POU3F3: variants seen among roughly 807,000 people sequenced by gnomAD.
The protein encoded by POU3F3 is POU domain, class 3, transcription factor 3.
In POU3F3, 1 loss-of-function variant was observed where a neutral mutation model predicts 8.6. The ratio of observed to expected loss-of-function variants is 0.12; its 90% CI spans 0.04 to 0.55. The LOEUF (loss-of-function observed/expected upper bound fraction) is 0.55, where lower values mean the gene tolerates loss of function less well. Ranked by LOEUF, POU3F3 falls within the 20% of genes least tolerant of loss-of-function variation. The pLI is 0.91. For missense variants in POU3F3, 577 were observed against 690.7 expected (o/e 0.84, Z 1.84); for synonymous variants, 418 against 327.4 (o/e 1.28, Z -2.99).
At chr2:104,868,592 T>A in the POU3F3 span, among the ~76,000 whole-genome samples, 1 of 152,074 alleles carries the variant, frequency 6.6e-6, no homozygotes, top group African/African-American at 2.4e-5. Flanking sequence ...AGGCCAGACC[T>A]CCAGACACCT....
At chr2:104,926,359 C>T in the POU3F3 span, among the ~76,000 whole-genome samples, 1 of 152,158 alleles carries the variant, frequency 6.6e-6, no homozygotes, top group Non-Finnish European at 1.5e-5. Flanking sequence ...AAAAAAAGCT[C>T]ATCACCATTG....
chr2:104,866,641 C>T, the POU3F3 span: 2 of 152,190 alleles, frequency 1.3e-5, no homozygotes, highest in Admixed American at 6.5e-5. Context: ...AGTGCACTCA[C>T]TTGATTTTCT....
chr2:104,920,195 A>G, the POU3F3 span, among the ~76,000 whole-genome samples: 1 of 152,152 alleles, frequency 6.6e-6, no homozygotes, highest in Non-Finnish European at 1.5e-5. Context: ...TTGTATTTTT[A>G]GTAGAGATGG....
the POU3F3 span, among the ~76,000 whole-genome samples, chr2:104,915,513 G>A: frequency 3.3e-5 from 5 of 152,164 alleles, no homozygotes. Context: ...GACCCATTCT[G>A]AGAAGTTTAG....
the POU3F3 span, among the ~76,000 whole-genome samples, chr2:104,923,172 G>A: frequency 6.6e-6 from 1 of 152,166 alleles, no homozygotes; most frequent in Non-Finnish European, 1.5e-5. Flanking sequence ...GAAATGAAAG[G>A]ACACTAGAGA....
chr2:104,855,874 TG>T lies in POU3F3; in HGVS notation c.366del (p.Trp122CysfsTer28). 1 of 1,049,642 alleles carries T rather than the reference TG, an allele frequency of 9.5e-7. No homozygotes were observed. Among genetic ancestry groups the T allele is most frequent in the Non-Finnish European group, 1.1e-6 (1 of 882,838 alleles). The allele number at this position is 1,049,642 out of a possible 1,614,324, so 65.0% of individuals were successfully genotyped here. A position where few individuals can be genotyped will look rare whatever the true frequency, so the allele number is the denominator to read the frequency against. ...CGCCGCCGTGGAGGCGAGCTCGCCG[TG>T]GTCGGGCAGCGCCGTGGGCATGGCT... ...AAAAVEASSPWSGSAVGMAGS... is the reference protein window; with the variant it reads ...AAAAVEASSPXSGSAVGMAGS... On this transcript the variant is annotated frameshift_variant, in exon 1 of 1. Transcript: ENST00000361360. LOFTEE classifies it low-confidence loss of function (END_TRUNC).
At chr2:104,864,941 T>A in the POU3F3 span, among the ~76,000 whole-genome samples, 2 of 152,244 alleles carry the variant, frequency 1.3e-5, no homozygotes, top group Non-Finnish European at 2.9e-5. Context: ...CGTGTGTGTC[T>A]GTGTGCGCGC....
At chr2:104,865,403 T>C in the POU3F3 span, 2 of 152,300 alleles carry the variant, frequency 1.3e-5, no homozygotes, top group South Asian at 2.1e-4. Flanking sequence ...ACAAAAAGAA[T>C]GATCACTGCT....
downstream of POU3F3, among the ~76,000 whole-genome samples, chr2:104,862,366 G>T (rs1413394085): frequency 6.6e-6 from 1 of 152,250 alleles, no homozygotes; most frequent in Admixed American, 6.5e-5. Context: ...CCGTGTGCAT[G>T]TGGGTGCGCG....
At chr2:104,881,130 C>CTTTG in the POU3F3 span, among the ~76,000 whole-genome samples, 1 of 149,270 alleles carries the variant, frequency 6.7e-6, no homozygotes, top group Non-Finnish European at 1.5e-5. Flanking sequence ...TACTTTCTTT[C>CTTTG]TTTCTTTCTT....
the POU3F3 span, among the ~76,000 whole-genome samples, chr2:104,880,811 T>C: frequency 0.021 from 3,176 of 152,220 alleles, 52 homozygotes; most frequent in Non-Finnish European, 0.035. Flanking sequence ...GCCAAGAGCT[T>C]GGGACAGGTT....
At chr2:104,901,531 A>G in the POU3F3 span, among the ~76,000 whole-genome samples, 1,915 of 152,334 alleles carry the variant, frequency 0.013, 14 homozygotes, top group Middle Eastern at 0.02. Context: ...CGGTGACAGC[A>G]TGTCACCATT....
Position 104,856,920 on chromosome 2 carries a change from ACAG to A in POU3F3, c.1414_1416del (p.Gln472del). The A allele has an allele frequency of 1.2e-6, 2 of 1,613,676 alleles. No individual in the cohort carries two copies. The highest frequency in any genetic ancestry group is 1.7e-6 in the Non-Finnish European group (2 of 1,179,928). On this transcript the variant is annotated inframe_deletion, in exon 1 of 1. Transcript: ENST00000361360. ...AGCGCATGACGCCGCCCGGGATCCA[ACAG>A]CAGACGCCCGACGACGTCTACTCGC...
At chr2:104,916,973 T>C in the POU3F3 span, among the ~76,000 whole-genome samples, 2 of 152,224 alleles carry the variant, frequency 1.3e-5, no homozygotes, top group African/African-American at 2.4e-5. Flanking sequence ...CACCATCCAA[T>C]CTGCCGAAGG....
At position 104,855,893 on chromosome 2, in the gene POU3F3, G is replaced by A; in HGVS notation, c.383G>A (p.Gly128Asp). ...ASSPWSGSAV[G>D]MAGSPQQPPQ... ...TCGCCGTGGTCGGGCAGCGCCGTGG[G>A]CATGGCTGGCAGCCCCCAGCAGCCA... Residue 128 changes from glycine to aspartate, a missense_variant, in exon 1 of 1, where the codon GGC (glycine) becomes GAC (aspartate). Coordinates refer to ENST00000361360, the MANE Select transcript of POU3F3 (RefSeq NM_006236.3). The A allele has an allele frequency of 9.4e-7, 1 of 1,061,182 alleles. No homozygotes were observed. The highest frequency in any genetic ancestry group is 1.1e-6 in the Non-Finnish European group (1 of 883,534). The allele number at this position is 1,061,182 out of a possible 1,614,324, so 65.7% of individuals were successfully genotyped here. A position where few individuals can be genotyped will look rare whatever the true frequency, so the allele number is the denominator to read the frequency against.
the POU3F3 span, among the ~76,000 whole-genome samples, chr2:104,912,995 A>G: frequency 6.6e-6 from 1 of 152,214 alleles, no homozygotes; most frequent in Non-Finnish European, 1.5e-5. Flanking sequence ...TACTCTCAAG[A>G]TGCGTGTTTT....
the POU3F3 span, among the ~76,000 whole-genome samples, chr2:104,903,350 C>T: frequency 1.3e-5 from 2 of 152,196 alleles, no homozygotes; most frequent in Admixed American, 6.5e-5. Flanking sequence ...AGGCAGGGTG[C>T]TCCCATGCAC....
At chr2:104,911,970 C>T in the POU3F3 span, among the ~76,000 whole-genome samples, 1 of 152,224 alleles carries the variant, frequency 6.6e-6, no homozygotes, top group African/African-American at 2.4e-5. Flanking sequence ...AAGTCTTTAT[C>T]CTGAAGTCAA....
the POU3F3 span, among the ~76,000 whole-genome samples, chr2:104,926,884 G>T: frequency 4.5e-4 from 69 of 152,142 alleles, 4 homozygotes; most frequent in Non-Finnish European, 1.5e-5. Flanking sequence ...CTCATAAGTG[G>T]GAGTTGAACA....
Sources: gnomAD v4.1 joint callset for allele counts (sites outside exome capture counted in the v4.1 genomes callset) on GRCh38, gnomAD v4.1.1 for gene constraint, MANE v1.5 for transcripts, NCBI Gene and HGNC (gene_info 2026-07-23, HGNC 2026-07-21) for gene names.